Variants in BAZ1B observed in about 807,000 individuals in gnomAD.
The protein encoded by BAZ1B is bromodomain adjacent to zinc finger domain 1B.
Under a neutral mutation model 153.8 loss-of-function variants are expected in BAZ1B, and 22 were observed. The observed-to-expected ratio is 0.14, with a 90% CI of 0.10 to 0.20. The LOEUF (loss-of-function observed/expected upper bound fraction) is 0.20, where lower values mean the gene tolerates loss of function less well. Ranked by LOEUF, BAZ1B falls within the 10% of genes least tolerant of loss-of-function variation. BAZ1B has a pLI of 1.00. For missense variants in BAZ1B, 1,325 were observed against 1,799.3 expected, an observed-to-expected ratio of 0.74 and a Z score of 4.77; for synonymous variants, 676 against 633.4, an observed-to-expected ratio of 1.07 and a Z score of -1.01.
At position 73,449,541 on chromosome 7, in the gene BAZ1B, C is replaced by A; in HGVS notation, c.3728+1G>T. 6.2e-7 allele frequency: 1 copy of A among 1,602,796 alleles called. No individual in the cohort carries two copies. Among genetic ancestry groups the A allele is most frequent in the Non-Finnish European group, 8.5e-7 (1 of 1,176,848 alleles). On this transcript the variant is annotated splice_donor_variant, in intron 15 of 19. Transcript: ENST00000339594. LOFTEE classifies it high-confidence loss of function. ...TTATTTTTAAAAGAAAAGATTCTCA[C>A]CTGCCACGGGAGTTGCGCCTGGCAG...
chr7:73,475,228 C>T (rs1349288002), intron 7 of BAZ1B, among the ~76,000 whole-genome samples: 6 of 152,152 alleles, frequency 3.9e-5, no homozygotes, highest in Non-Finnish European at 7.4e-5. Context: ...GAGGTATTTA[C>T]TCTAAAGAAA....
rs193012366 is a variant in BAZ1B at position 73,452,197 on chromosome 7, T to C, written c.3433-1203A>G. The stretch of plus-strand genomic sequence containing the variant: ...TTAAATAGTATCATACAATAATAGG[T>C]AGCCCTTGTAACTGGCTTCTTTCAC... On this transcript the variant is annotated intron_variant, in intron 13 of 19. Coordinates refer to ENST00000339594, the MANE Select transcript of BAZ1B (RefSeq NM_032408.4). Among the ~76,000 whole-genome samples the C allele has an allele frequency of 3.9e-5, 6 of 152,346 alleles. No individual in the cohort carries two copies. In the East Asian group the frequency reaches 1.2e-3, roughly 29 times the overall value.
intron 19 of BAZ1B, 44 bp downstream of exon 19, chr7:73,442,137 C>CCCAAA: frequency 2.5e-6 from 1 of 401,846 alleles, no homozygotes; most frequent in Non-Finnish European, 5.0e-6. Context: ...TCGCTCGCCT[C>CCCAAA]CCTCCCACCC....
chr7:73,513,383 A>ATT (rs1790663438), intron 1 of BAZ1B, among the ~76,000 whole-genome samples: 4 of 152,208 alleles, frequency 2.6e-5, no homozygotes, highest in Admixed American at 6.6e-5. Context: ...CTCATTGTGG[A>ATT]TCTTTCCCCA....
rs1180078451 is a variant in BAZ1B, at chr7:73,470,612, TTCTAA to T, written c.2594-134_2594-130del. The T allele has an allele frequency of 4.5e-6, 5 of 1,100,730 alleles. No homozygotes were observed. In the East Asian group the frequency reaches 1.3e-4, roughly 28 times the overall value. 68.2% of individuals were successfully genotyped at this position (1,100,730 alleles called of 1,614,324 possible). The stretch of plus-strand genomic sequence containing the variant: ...TCAAATCTTAGTTTGCTTTCTCTAA[TTCTAA>T]TCTGTTACAAGAAATTACATGTAAG... On this transcript the variant is annotated intron_variant, in intron 7 of 19. Transcript: ENST00000339594.
chr7:73,452,210 T>C (rs1432530235), intron 13 of BAZ1B, among the ~76,000 whole-genome samples: 1 of 152,234 alleles, frequency 6.6e-6, no homozygotes, highest in East Asian at 1.9e-4. Context: ...CCCTTGTAAC[T>C]GGCTTCTTTC....
At chr7:73,473,270 T>C (rs972948805) in intron 7 of BAZ1B, among the ~76,000 whole-genome samples, 4 of 152,202 alleles carry the variant, frequency 2.6e-5, no homozygotes, top group Admixed American at 2.0e-4. Context: ...GTTAATACAA[T>C]GGCCAGGGGC....
intron 1 of BAZ1B, among the ~76,000 whole-genome samples, chr7:73,518,381 C>T (rs920621898): frequency 6.6e-6 from 1 of 151,694 alleles, no homozygotes; most frequent in African/African-American, 2.4e-5. Context: ...CCACTGCACT[C>T]CAGCCTGGGC....
intron 2 of BAZ1B, among the ~76,000 whole-genome samples, chr7:73,508,732 G>C (rs1790449594): frequency 6.6e-6 from 1 of 152,108 alleles, no homozygotes; most frequent in Non-Finnish European, 1.5e-5. Context: ...TTAACTTTTG[G>C]GCAGGGCGCG....
chr7:73,472,501 G>A (rs547240661), intron 7 of BAZ1B, among the ~76,000 whole-genome samples: 3 of 152,214 alleles, frequency 2.0e-5, no homozygotes, highest in Admixed American at 6.5e-5. Flanking sequence ...CAGGTGATCC[G>A]CCCACCTCAG....
rs370065132 is a variant in BAZ1B, at chr7:73,510,875, A to G, written c.108-23T>C. On this transcript the variant is annotated intron_variant, in intron 1 of 19. Coordinates refer to ENST00000339594, the MANE Select transcript of BAZ1B (RefSeq NM_032408.4). ...TCTCTGTTGGCAGTAGTTCAGGAAA[A>G]CAATATGCAAGCAACAGAGACGACA... 3.1e-6 allele frequency: 5 copies of G among 1,597,502 alleles called. No homozygotes were observed. In the African/African-American group the frequency reaches 5.4e-5, roughly 17 times the overall value.
chr7:73,484,333 A>G (rs934689672), intron 6 of BAZ1B, among the ~76,000 whole-genome samples: 2 of 152,050 alleles, frequency 1.3e-5, no homozygotes. Flanking sequence ...ACAGACAGAC[A>G]GACAGATATA....
At chr7:73,502,268 T>C (rs1244726076) in intron 3 of BAZ1B, among the ~76,000 whole-genome samples, 2 of 152,130 alleles carry the variant, frequency 1.3e-5, no homozygotes, top group Admixed American at 6.5e-5. Flanking sequence ...ACATGCTATC[T>C]ACATAGCCGG....
At position 73,516,382 on chromosome 7, in the gene BAZ1B, T is replaced by C. The variant is rs997221207; in HGVS notation, c.107+5445A>G. The stretch of plus-strand genomic sequence containing the variant: ...GAGTACTACAAAATTTTAAATTACA[T>C]ATGGCTTACATTATACTTTTGTTGG... On this transcript the variant is annotated intron_variant, in intron 1 of 19. Coordinates refer to ENST00000339594, the MANE Select transcript of BAZ1B (RefSeq NM_032408.4). 2.8e-4 allele frequency among the ~76,000 whole-genome samples: 42 copies of C among 152,222 alleles called. 1 individual carries two copies. Among genetic ancestry groups the C allele is most frequent in the African/African-American group, 9.9e-4 (41 of 41,540 alleles).
intron 1 of BAZ1B, among the ~76,000 whole-genome samples, chr7:73,515,159 C>T (rs927614840): frequency 2.0e-5 from 3 of 152,166 alleles, no homozygotes; most frequent in Admixed American, 2.0e-4. Flanking sequence ...CTCTATTATT[C>T]GTCTAAATTC....
chr7:73,476,622 T>C (rs1439482943), intron 7 of BAZ1B, among the ~76,000 whole-genome samples: 1 of 152,200 alleles, frequency 6.6e-6, no homozygotes, highest in Non-Finnish European at 1.5e-5. Flanking sequence ...GGTCCTTTAC[T>C]GAACCCAGAA....
rs1328221456 is a variant in BAZ1B at position 73,522,001 on chromosome 7, G to A, written c.-68C>T. On this transcript the variant is annotated 5_prime_UTR_variant, in exon 1 of 20. Coordinates refer to ENST00000339594, the MANE Select transcript of BAZ1B (RefSeq NM_032408.4). ...CCGCGGCGCAGCACTAGGCCCCGCG[G>A]CCCGGAGCGAGCGCCAGGCGCCCGG... 4.3e-6 allele frequency: 5 copies of A among 1,151,428 alleles called. No homozygotes were observed. The highest frequency in any genetic ancestry group is 4.4e-6 in the Non-Finnish European group (4 of 915,364). The allele number at this position is 1,151,428 out of a possible 1,614,324, so 71.3% of individuals were successfully genotyped here.
intron 3 of BAZ1B, among the ~76,000 whole-genome samples, chr7:73,504,176 T>A (rs1790241033): frequency 6.6e-6 from 1 of 152,220 alleles, no homozygotes; most frequent in African/African-American, 2.4e-5. Flanking sequence ...CATTTGAGTA[T>A]GCCATCTGTT....
At chr7:73,464,002 G>A (rs760091870) in intron 11 of BAZ1B, 10 of 572,084 alleles carry the variant, frequency 1.7e-5, no homozygotes, top group African/African-American at 4.1e-5. Flanking sequence ...CACCGCGGCC[G>A]GCCCTCCTCT....
Sources: gnomAD v4.1 joint callset for allele counts (sites outside exome capture counted in the v4.1 genomes callset) on GRCh38, gnomAD v4.1.1 for gene constraint, MANE v1.5 for transcripts, NCBI Gene and HGNC (gene_info 2026-07-23, HGNC 2026-07-21) for gene names.